The following PLET1 variants were observed in gnomAD, a reference collection of about 807,000 sequenced individuals.
PLET1 encodes placenta expressed transcript 1, also known as placenta-expressed transcript 1 protein.
In PLET1, 20 loss-of-function variants were observed where a neutral mutation model predicts 18.5. That is an observed-to-expected ratio of 1.08 (90% CI 0.76 to 1.57). PLET1 has a LOEUF of 1.57. Among genes scored for constraint, PLET1 ranks in the 40% most tolerant of loss-of-function variants. The pLI, the probability that PLET1 is intolerant of heterozygous loss-of-function variation, is 0.00. For missense variants in PLET1, 256 were observed against 246.4 expected (o/e 1.04, Z -0.26); for synonymous variants, 93 against 93.8 (o/e 0.99, Z 0.05).
intron 3 of PLET1, among the ~76,000 whole-genome samples, chr11:112,250,661 GC>G (rs1352768958): frequency 3.9e-5 from 6 of 152,116 alleles, no homozygotes; most frequent in African/African-American, 1.4e-4. Context: ...TCCTCCACCT[GC>G]TTTCTGAGGA....
chr11:112,254,547 G>A, intron 2 of PLET1, among the ~76,000 whole-genome samples: 1 of 97,782 alleles, frequency 1.0e-5, no homozygotes, highest in African/African-American at 3.4e-5. Context: ...ATGTGTGTGT[G>A]TGTGGTGTAT....
At chr11:112,257,630 G>A (rs528947895) in intron 1 of PLET1, among the ~76,000 whole-genome samples, 8 of 151,932 alleles carry the variant, frequency 5.3e-5, no homozygotes, top group Admixed American at 2.0e-4. Flanking sequence ...TAAAAAGGCA[G>A]ATCCTTGCTC....
At chr11:112,257,647 G>A (rs1055396899) in intron 1 of PLET1, among the ~76,000 whole-genome samples, 6 of 152,004 alleles carry the variant, frequency 3.9e-5, no homozygotes, top group Non-Finnish European at 7.4e-5. Context: ...GCTCAGCACA[G>A]TCTTAATGTA....
chr11:112,260,502 A>G lies in PLET1; in HGVS notation c.88T>C (p.Tyr30His). Reference sequence around the variant, plus strand: ...TCAAAGGTGAAGCAGGTGCTACTGTACCTTATAAAGGTGGCAGAAGAAAGC... The same window carrying G: ...TCAAAGGTGAAGCAGGTGCTACTGTGCCTTATAAAGGTGGCAGAAGAAAGC... Reference protein sequence around the residue: ...LQLSSATFIRYSSTCFTFDEY... With the variant: ...LQLSSATFIRHSSTCFTFDEY... Residue 30 changes from tyrosine to histidine, a missense_variant, in exon 1 of 4, where the codon TAC becomes CAC. Coordinates refer to ENST00000338832, the MANE Select transcript of PLET1 (RefSeq NM_001145024.1). The G allele has an allele frequency of 6.4e-7, 1 of 1,551,684 alleles. No individual in the cohort carries two copies. Among genetic ancestry groups the G allele is most frequent in the Non-Finnish European group, 8.7e-7 (1 of 1,146,934 alleles).
At chr11:112,251,148 G>T (rs537030760) in intron 3 of PLET1, among the ~76,000 whole-genome samples, 14 of 152,252 alleles carry the variant, frequency 9.2e-5, no homozygotes, top group African/African-American at 3.1e-4. Flanking sequence ...TATTTTTATA[G>T]TTTTGATGTA....
Position 112,248,722 on chromosome 11 carries a change from C to T in PLET1, c.*77G>A, listed in dbSNP as rs969245644. 6.4e-5 allele frequency: 93 copies of T among 1,451,958 alleles called. No homozygotes were observed. The highest frequency in any genetic ancestry group is 3.0e-4 in the Admixed American group (14 of 46,394). 89.9% of individuals were successfully genotyped at this position (1,451,958 alleles called of 1,614,324 possible). A position where few individuals can be genotyped will look rare whatever the true frequency, so the allele number is the denominator to read the frequency against. On this transcript the variant is annotated 3_prime_UTR_variant, in exon 4 of 4. Transcript: ENST00000338832. ...TGTAAAGCCTTCATTTACACACATT[C>T]GGTTCCCAGCACTAGCTTGGAACTG...
intron 1 of PLET1, among the ~76,000 whole-genome samples, chr11:112,258,898 G>A (rs1034682276): frequency 3.3e-5 from 5 of 152,190 alleles, no homozygotes; most frequent in African/African-American, 1.2e-4. Flanking sequence ...TGCCATGATT[G>A]TTCACCTGCT....
chr11:112,257,413 ACTTTGTG>A (rs1278873487), intron 1 of PLET1, among the ~76,000 whole-genome samples: 1 of 146,656 alleles, frequency 6.8e-6, no homozygotes, highest in Non-Finnish European at 1.5e-5. Flanking sequence ...ATCATATTGT[ACTTTGTG>A]CTTTGTGCTA....
chr11:112,255,168 AGTGT>A (rs1008863470), intron 2 of PLET1, among the ~76,000 whole-genome samples: 4 of 123,538 alleles, frequency 3.2e-5, no homozygotes, highest in African/African-American at 1.2e-4. Context: ...ATGTGGTGTG[AGTGT>A]GTGTGTGGTA....
intron 1 of PLET1, among the ~76,000 whole-genome samples, chr11:112,257,160 C>G (rs1416706984): frequency 6.6e-6 from 1 of 152,200 alleles, no homozygotes; most frequent in Non-Finnish European, 1.5e-5. Flanking sequence ...CTGTAAGAAC[C>G]TAGCCTCAGC....
chr11:112,260,092 C>A (rs1300113565), intron 1 of PLET1, among the ~76,000 whole-genome samples: 2 of 152,096 alleles, frequency 1.3e-5, no homozygotes, highest in Non-Finnish European at 2.9e-5. Context: ...CAATGATTAT[C>A]CCTTAAAATG....
rs1408141036 is a variant in PLET1, at chr11:112,248,438, C to G, written c.*361G>C. The G allele has an allele frequency of 2.5e-6, 1 of 402,566 alleles. No homozygotes were observed. Among genetic ancestry groups the G allele is most frequent in the Non-Finnish European group, 4.4e-6 (1 of 229,342 alleles). The allele number at this position is 402,566 out of a possible 1,614,324, so 24.9% of individuals were successfully genotyped here. A position where few individuals can be genotyped will look rare whatever the true frequency, so the allele number is the denominator to read the frequency against. On this transcript the variant is annotated 3_prime_UTR_variant, in exon 4 of 4. Coordinates refer to ENST00000338832, the MANE Select transcript of PLET1 (RefSeq NM_001145024.1). ...TGAAAGTAAGGAAGGATTCTTCCCA[C>G]AGAAACTCAGAGGTTGCAGGGGAAT...
intron 2 of PLET1, among the ~76,000 whole-genome samples, chr11:112,254,190 G>GGTGT (rs60070587): frequency 0.067 from 9,441 of 140,940 alleles, 469 homozygotes; most frequent in African/African-American, 0.14. Context: ...GAGCATAAGT[G>GGTGT]GTGTGTGTGT....
chr11:112,250,855 A>T (rs142192521), intron 3 of PLET1, among the ~76,000 whole-genome samples: 1 of 152,344 alleles, frequency 6.6e-6, no homozygotes, highest in East Asian at 1.9e-4. Context: ...TGAGGAAAAA[A>T]CTACTCTCTG....
chr11:112,255,856 T>C (rs553398268), intron 1 of PLET1, among the ~76,000 whole-genome samples: 1 of 152,338 alleles, frequency 6.6e-6, no homozygotes, highest in African/African-American at 2.4e-5. Context: ...CCAAATTTTC[T>C]ACAGTAAAAG....
At position 112,255,550 on chromosome 11, in the gene PLET1, A is replaced by T; in HGVS notation, c.224T>A (p.Met75Lys). 1 of 1,551,512 alleles carries T rather than the reference A, an allele frequency of 6.4e-7. No individual in the cohort carries two copies. The stretch of plus-strand genomic sequence containing the variant: ...GTCACTGTTCTCGTCCAAGGTTTTC[A>T]TGACCACAGCATAGACGCTGTCATT... Reference protein sequence around the residue: ...PVNDSVYAVVMKTLDENSDSA... With the variant: ...PVNDSVYAVVKKTLDENSDSA... Residue 75 changes from methionine (M) to lysine (K), a missense_variant, in exon 2 of 4, where the codon ATG becomes AAG. Transcript: ENST00000338832.
chr11:112,253,023 A>C (rs1034172433), intron 2 of PLET1, among the ~76,000 whole-genome samples: 1 of 152,146 alleles, frequency 6.6e-6, no homozygotes, highest in African/African-American at 2.4e-5. Flanking sequence ...CCTGGTGCTG[A>C]GGGGGCAGTG....
intron 1 of PLET1, among the ~76,000 whole-genome samples, chr11:112,256,782 A>G (rs1860228485): frequency 6.6e-6 from 1 of 152,240 alleles, no homozygotes; most frequent in South Asian, 2.1e-4. Flanking sequence ...TGAGCACCTG[A>G]CATCTGTTCT....
rs777236903 is a variant in PLET1 at position 112,260,430 on chromosome 11, A to G, written c.160T>C (p.Tyr54His). 1.9e-6 allele frequency: 3 copies of G among 1,551,626 alleles called. No homozygotes were observed. Among genetic ancestry groups the G allele is most frequent in the African/African-American group, 2.7e-5 (2 of 73,060 alleles). ...TLDIKASSHIYESNAVYSVFV... is the reference protein window; with the variant it reads ...TLDIKASSHIHESNAVYSVFV... ...CCAGAATAGACTGCATTGCTTTCGT[A>G]GATATGTGAACTGGCCTTGATGTCT... The change falls in exon 1 of 4, where the codon TAC becomes CAC. Residue 54 changes from tyrosine (Y) to histidine (H), a missense_variant. By Grantham distance (83) the Tyr-to-His change is moderately conservative. Coordinates refer to ENST00000338832, the MANE Select transcript of PLET1 (RefSeq NM_001145024.1).
Sources: gnomAD v4.1 joint callset for allele counts (sites outside exome capture counted in the v4.1 genomes callset) on GRCh38, gnomAD v4.1.1 for gene constraint, MANE v1.5 for transcripts, NCBI Gene and HGNC (gene_info 2026-07-23, HGNC 2026-07-21) for gene names.